EEF1A1: variants seen among roughly 807,000 people sequenced by gnomAD.
EEF1A1 encodes the protein eukaryotic translation elongation factor 1 alpha 1.
In EEF1A1, 1 loss-of-function variant was observed where a neutral mutation model predicts 38.5. The ratio of observed to expected loss-of-function variants is 0.03; its 90% confidence interval spans 0.01 to 0.12. The LOEUF (loss-of-function observed/expected upper bound fraction) is 0.12, where lower values mean the gene tolerates loss of function less well. Among genes scored for constraint, EEF1A1 ranks in the 10% least tolerant of loss-of-function variants. EEF1A1 has a pLI of 1.00. For missense variants in EEF1A1, 184 were observed against 588.3 expected (o/e 0.31, Z 7.11); for synonymous variants, 229 against 203.7 (o/e 1.12, Z -1.06).
At chr6:73,519,830 C>A in intron 2 of EEF1A1, 53 bp downstream of exon 2, 1 of 1,606,410 alleles carries the variant, frequency 6.2e-7, no homozygotes, top group South Asian at 1.1e-5. Flanking sequence ...CCTAATGATT[C>A]TGCTGGTAAA....
At position 73,516,035 on chromosome 6, in the gene EEF1A1, G is replaced by A. The variant is rs1358433988; in HGVS notation, c.*1775C>T. ...ATTAAAGGCCTTACCTGTTTTTTCTGTCATCCAGCAAATCTTAGACTATTT... is the reference window on the plus strand; with the variant it reads ...ATTAAAGGCCTTACCTGTTTTTTCTATCATCCAGCAAATCTTAGACTATTT... On this transcript the variant is annotated 3_prime_UTR_variant, in exon 8 of 8. Transcript: ENST00000309268. 6.6e-6 allele frequency: 1 copy of A among 152,152 alleles called. No homozygotes were observed. The highest frequency in any genetic ancestry group is 1.5e-5 in the Non-Finnish European group (1 of 68,040). 9.4% of individuals were successfully genotyped at this position (152,152 alleles called of 1,614,324 possible).
intron 5 of EEF1A1, 30 bp downstream of exon 5, chr6:73,518,668 C>G (rs1271181057): frequency 6.2e-7 from 1 of 1,613,118 alleles, no homozygotes. Flanking sequence ...TCTATCAACT[C>G]AAATTCAACT....
intron 1 of EEF1A1, 56 bp downstream of exon 1, chr6:73,520,944 C>G (rs1192701341): frequency 6.5e-6 from 1 of 152,782 alleles, no homozygotes; most frequent in African/African-American, 2.4e-5. Flanking sequence ...TCAAGGCACG[C>G]AAGGGCCATA....
At chr6:73,519,266 CA>C (rs1303309146) in intron 3 of EEF1A1, 38 bp from the exon 4 acceptor site, 1 of 1,606,092 alleles carries the variant, frequency 6.2e-7, no homozygotes, top group Non-Finnish European at 8.5e-7. Flanking sequence ...GTCAACTCTC[CA>C]AATGACAAAA....
At position 73,516,273 on chromosome 6, in the gene EEF1A1, G is replaced by A. The variant is rs1234789794; in HGVS notation, c.*1537C>T. ...ATACACATTGCCAGTCACTTTAAGA[G>A]GCCTTATCTCTTGGGCTGCTTTAAC... On this transcript the variant is annotated 3_prime_UTR_variant, in exon 8 of 8. Transcript: ENST00000309268. 2 of 152,146 alleles carry A rather than the reference G, an allele frequency of 1.3e-5. No homozygotes were observed. The highest frequency in any genetic ancestry group is 4.8e-5 in the African/African-American group (2 of 41,434). The allele number at this position is 152,146 out of a possible 1,614,324, so 9.4% of individuals were successfully genotyped here. A position where few individuals can be genotyped will look rare whatever the true frequency, so the allele number is the denominator to read the frequency against.
rs746231902 is a variant in EEF1A1, at chr6:73,518,124, G to A, written c.1170C>T (p.Gly390=). The A allele has an allele frequency of 1.6e-5, 26 of 1,608,774 alleles. No individual in the cohort carries two copies. In the East Asian group the frequency reaches 3.3e-4, roughly 21 times the overall value. ...CATCACCAGACTTCAAGAATTTAGG[G>A]CCATCTTCCAGCTTTTTACCAGAAC... is the stretch of plus-strand genomic sequence containing the variant. ...DRRSGKKLED[G]PKFLKSGDAA... The change falls in exon 7 of 8, where the codon GGC becomes GGT. Residue 390 remains glycine, a synonymous_variant. Coordinates refer to ENST00000309268, the MANE Select transcript of EEF1A1 (RefSeq NM_001402.6).
intron 4 of EEF1A1, 34 bp downstream of exon 4, chr6:73,518,898 G>A: frequency 1.2e-6 from 2 of 1,611,096 alleles, no homozygotes; most frequent in South Asian, 1.1e-5. Flanking sequence ...GCCATTCCCA[G>A]AGCTTTTTAA....
At chr6:73,517,958 T>TAC (rs1308358976) in intron 7 of EEF1A1, 24 bp from the exon 8 acceptor site, 5 of 1,613,686 alleles carry the variant, frequency 3.1e-6, no homozygotes, top group Non-Finnish European at 4.2e-6. Flanking sequence ...AGTTAATTAT[T>TAC]ACCCAAAGTA....
chr6:73,518,344 A>T lies in EEF1A1; in HGVS notation c.1029+10T>A. ...CTCTGCAATAAGTTAATGTTACTTT[A>T]AATTGTTACCTGAGCAGTGAAGCCA... On this transcript the variant is annotated intron_variant, in intron 6 of 7. Transcript: ENST00000309268. The T allele has an allele frequency of 6.2e-7, 1 of 1,612,576 alleles. No individual in the cohort carries two copies.
rs943809814 is a variant in EEF1A1, at chr6:73,517,172, A to C, written c.*638T>G. 6.6e-6 allele frequency: 1 copy of C among 152,350 alleles called. No individual in the cohort carries two copies. The highest frequency in any genetic ancestry group is 1.5e-5 in the Non-Finnish European group (1 of 68,142). The allele number at this position is 152,350 out of a possible 1,614,324, so 9.4% of individuals were successfully genotyped here. A position where few individuals can be genotyped will look rare whatever the true frequency, so the allele number is the denominator to read the frequency against. On this transcript the variant is annotated 3_prime_UTR_variant, in exon 8 of 8. Coordinates refer to ENST00000309268, the MANE Select transcript of EEF1A1 (RefSeq NM_001402.6). ...TTTTAACCCACGTTTCAACATGCACATCCCAGTAATTTGGAAACATTTTGT... is the reference window on the plus strand; with the variant it reads ...TTTTAACCCACGTTTCAACATGCACCTCCCAGTAATTTGGAAACATTTTGT...
chr6:73,518,306 A>AG, intron 6 of EEF1A1, 42 bp from the exon 7 acceptor site: 1 of 1,611,078 alleles, frequency 6.2e-7, no homozygotes, highest in African/African-American at 1.3e-5. Context: ...CCAAAGTCTC[A>AG]AATGACTTTA....
At chr6:73,517,992 T>TTA (rs1765564404) in intron 7 of EEF1A1, 38 bp downstream of exon 7, 1 of 1,611,602 alleles carries the variant, frequency 6.2e-7, no homozygotes. Flanking sequence ...TTTTTCATCT[T>TTA]TAACACAACT....
chr6:73,519,692 C>T (rs995932466), intron 2 of EEF1A1, among the ~76,000 whole-genome samples, 176 bp from the exon 3 acceptor site: 1 of 152,180 alleles, frequency 6.6e-6, no homozygotes, highest in African/African-American at 2.4e-5. Context: ...CGGATCTTAA[C>T]TATTAACATC....
In EEF1A1 at chr6:73,519,295, C is replaced by T. The variant is rs758764222; in HGVS notation, c.324+42G>A. On this transcript the variant is annotated intron_variant, in intron 3 of 7. Coordinates refer to ENST00000309268, the MANE Select transcript of EEF1A1 (RefSeq NM_001402.6). ...TGACAAAACCAGTGTACAAAGCAAG[C>T]CTTTTGGGATAAAGAAACCTAGAAT... 4 of 1,606,488 alleles carry T rather than the reference C, an allele frequency of 2.5e-6. No individual in the cohort carries two copies. The African/African-American group carries it at 4.0e-5, about 16-fold the overall frequency.
Position 73,517,477 on chromosome 6 carries a change from A to G in EEF1A1, c.*333T>C. ...GTAAAACCAGAATTAGATGTCTTTCACCTAAATGTCTCGGTGTTGACCAAA... is the reference window on the plus strand; with the variant it reads ...GTAAAACCAGAATTAGATGTCTTTCGCCTAAATGTCTCGGTGTTGACCAAA... On this transcript the variant is annotated 3_prime_UTR_variant, in exon 8 of 8. Coordinates refer to ENST00000309268, the MANE Select transcript of EEF1A1 (RefSeq NM_001402.6). 1 of 242,448 alleles carries G rather than the reference A, an allele frequency of 4.1e-6. No individual in the cohort carries two copies. Among genetic ancestry groups the G allele is most frequent in the Non-Finnish European group, 7.9e-6 (1 of 126,432 alleles). The allele number at this position is 242,448 out of a possible 1,614,324, so 15.0% of individuals were successfully genotyped here.
chr6:73,519,879 A>G lies in EEF1A1; in HGVS notation c.144+4T>C. 7.4e-6 allele frequency: 12 copies of G among 1,613,014 alleles called. No homozygotes were observed. Among genetic ancestry groups the G allele is most frequent in the South Asian group, 1.1e-5 (1 of 91,008 alleles). ...GATCTTTCCCTTTCTGGTATTAAAC[A>G]TACCTCAGCAGCCTCCTTCTCAAAT... On this transcript the variant is annotated splice_donor_region_variant and intron_variant, in intron 2 of 7. Transcript: ENST00000309268.
Position 73,517,016 on chromosome 6 carries a change from T to C in EEF1A1, c.*794A>G, listed in dbSNP as rs1765534940. ...TCTGAATAGCACTCAATAGAACTTG[T>C]GAAACCATCAAACTGGCATAAAGCT... On this transcript the variant is annotated 3_prime_UTR_variant, in exon 8 of 8. Coordinates refer to ENST00000309268, the MANE Select transcript of EEF1A1 (RefSeq NM_001402.6). The C allele has an allele frequency of 6.6e-6, 1 of 152,242 alleles. No individual in the cohort carries two copies. The highest frequency in any genetic ancestry group is 1.5e-5 in the Non-Finnish European group (1 of 68,068). 9.4% of individuals were successfully genotyped at this position (152,242 alleles called of 1,614,324 possible).
chr6:73,519,738 A>C, intron 2 of EEF1A1, 145 bp downstream of exon 2: 1 of 1,325,976 alleles, frequency 7.5e-7, no homozygotes, highest in Non-Finnish European at 1.0e-6. Flanking sequence ...TACAGAAGTC[A>C]CCAAAAGCAA....
In EEF1A1 at chr6:73,516,190, A is replaced by G. The variant is rs572617510; in HGVS notation, c.*1620T>C. ...ATTCAGACTCAGATGAGGGAAAACG[A>G]TAACACTTCATTACAGACTTGTCTA... On this transcript the variant is annotated 3_prime_UTR_variant, in exon 8 of 8. Transcript: ENST00000309268. 4.0e-5 allele frequency: 6 copies of G among 151,304 alleles called. No individual in the cohort carries two copies. The highest frequency in any genetic ancestry group is 2.1e-4 in the South Asian group (1 of 4,804). The allele number at this position is 151,304 out of a possible 1,614,324, so 9.4% of individuals were successfully genotyped here. A position where few individuals can be genotyped will look rare whatever the true frequency, so the allele number is the denominator to read the frequency against.
Sources: gnomAD v4.1 joint callset for allele counts (sites outside exome capture counted in the v4.1 genomes callset) on GRCh38, gnomAD v4.1.1 for gene constraint, MANE v1.5 for transcripts, NCBI Gene and HGNC (gene_info 2026-07-23, HGNC 2026-07-21) for gene names.